Variants in TMPRSS2 observed in about 807,000 individuals in gnomAD.
TMPRSS2 encodes transmembrane protease serine 2.
TMPRSS2 carries 59 observed loss-of-function variants against 67.4 expected under a neutral mutation model. That is an observed-to-expected ratio of 0.88 (90% CI 0.71 to 1.09). The LOEUF is 1.09. TMPRSS2 is among the 50% of genes least tolerant of loss of function. The probability of loss-of-function intolerance (pLI) is 0.00; values close to 1 mark genes in which losing one functional copy is unlikely to be tolerated. For missense variants in TMPRSS2, 668 were observed against 642.7 expected (o/e 1.04, Z -0.43); for synonymous variants, 257 against 257.0 (o/e 1.00, Z 0.00).
intron 1 of TMPRSS2, among the ~76,000 whole-genome samples, chr21:41,501,608 C>CAAAAAAAAAAAA (rs57394908): frequency 1.2e-5 from 1 of 86,536 alleles, no homozygotes; most frequent in African/African-American, 4.3e-5. Flanking sequence ...GACTCTGTCT[C>CAAAAAAAAAAAA]AAAAAAAAAA....
intron 6 of TMPRSS2, among the ~76,000 whole-genome samples, chr21:41,480,127 A>C (rs749780669): frequency 8.5e-5 from 13 of 152,068 alleles, no homozygotes; most frequent in Non-Finnish European, 1.5e-4. Context: ...ACCTCTACCC[A>C]GGGAGGTGAA....
Position 41,508,102 on chromosome 21 carries a change from T to A in TMPRSS2, c.-78A>T. Reference sequence around the variant, plus strand: ...TCACCTGCCGCGCTCCAGGCGGCGCTCCCCGCCCCTCGCCCTCCGCCTCCG... The same window carrying A: ...TCACCTGCCGCGCTCCAGGCGGCGCACCCCGCCCCTCGCCCTCCGCCTCCG... On this transcript the variant is annotated 5_prime_UTR_variant, in exon 1 of 14. Transcript: ENST00000332149. 1 of 1,176,204 alleles carries A rather than the reference T, an allele frequency of 8.5e-7. No individual in the cohort carries two copies. Among genetic ancestry groups the A allele is most frequent in the Non-Finnish European group, 1.1e-6 (1 of 915,618 alleles). The allele number at this position is 1,176,204 out of a possible 1,614,324, so 72.9% of individuals were successfully genotyped here.
At chr21:41,484,975 C>G (rs1162368523) in intron 5 of TMPRSS2, among the ~76,000 whole-genome samples, 1 of 152,022 alleles carries the variant, frequency 6.6e-6, no homozygotes, top group African/African-American at 2.4e-5. Context: ...GCAGAAATAC[C>G]TGTGCTTCTT....
chr21:41,477,451 T>C lies in TMPRSS2; in HGVS notation c.684-831A>G, dbSNP rs1170927878. On this transcript the variant is annotated intron_variant, in intron 7 of 13. Transcript: ENST00000332149. The stretch of plus-strand genomic sequence containing the variant: ...AATCACAGCTTTAGCCTAGCCTCAT[T>C]CCAACCTCCTCCTAGAAAAAAAATA... Among the ~76,000 whole-genome samples the C allele has an allele frequency of 2.0e-5, 3 of 152,084 alleles. No individual in the cohort carries two copies. In the East Asian group the frequency reaches 5.8e-4, roughly 29 times the overall value.
At chr21:41,480,889 C>T (rs2091252119) in intron 5 of TMPRSS2, among the ~76,000 whole-genome samples, 1 of 152,174 alleles carries the variant, frequency 6.6e-6, no homozygotes, top group African/African-American at 2.4e-5. Flanking sequence ...CCCCCTGCCT[C>T]GGTCTCCCAA....
Position 41,464,550 on chromosome 21 carries a change from G to A in TMPRSS2, c.*1592C>T, listed in dbSNP as rs76000363. 24,138 of 216,640 alleles carry A rather than the reference G, an allele frequency of 0.11. 1,621 individuals carry two copies. The highest frequency in any genetic ancestry group is 0.13 in the Non-Finnish European group (13,811 of 107,726). The allele number at this position is 216,640 out of a possible 1,614,324, so 13.4% of individuals were successfully genotyped here. ...CAGGCAGAACTTCAAAGATGCAGTA[G>A]TTACTTTGAAAAAAAAATTGCATAA... On this transcript the variant is annotated 3_prime_UTR_variant, in exon 14 of 14. Transcript: ENST00000332149.
chr21:41,468,119 G>T, intron 12 of TMPRSS2: 2 of 613,008 alleles, frequency 3.3e-6, no homozygotes, highest in Non-Finnish European at 5.7e-6. Flanking sequence ...TAAATAAATT[G>T]CCGTTCATAA....
At chr21:41,476,717 C>A in intron 7 of TMPRSS2, 97 bp from the exon 8 acceptor site, 1 of 1,095,674 alleles carries the variant, frequency 9.1e-7, no homozygotes, top group East Asian at 2.4e-5. Context: ...TGTTCCCTCT[C>A]CTGTCTTCTG....
intron 9 of TMPRSS2, 89 bp downstream of exon 9, chr21:41,473,236 G>T (rs565973484): frequency 4.0e-5 from 56 of 1,389,240 alleles, no homozygotes; most frequent in Non-Finnish European, 5.2e-5. Context: ...AGGATGCCGG[G>T]GCTGCAAGGG....
intron 1 of TMPRSS2, among the ~76,000 whole-genome samples, chr21:41,505,264 C>T (rs556106565): frequency 6.6e-6 from 1 of 152,106 alleles, no homozygotes; most frequent in South Asian, 2.1e-4. Context: ...ATGCCTGGGC[C>T]CCATTCTCAG....
intron 1 of TMPRSS2, among the ~76,000 whole-genome samples, chr21:41,503,793 T>A (rs555405939): frequency 6.6e-6 from 1 of 152,232 alleles, no homozygotes. Context: ...CCAGACATAG[T>A]GATCTTTCAT....
chr21:41,489,681 C>T, intron 3 of TMPRSS2, 88 bp from the exon 4 acceptor site: 1 of 788,812 alleles, frequency 1.3e-6, no homozygotes, highest in Non-Finnish European at 2.1e-6. Context: ...TATAGTACAC[C>T]ACATTAAGAA....
chr21:41,473,735 C>T (rs943067973), intron 8 of TMPRSS2, among the ~76,000 whole-genome samples: 5 of 151,406 alleles, frequency 3.3e-5, no homozygotes, highest in Non-Finnish European at 4.4e-5. Context: ...CATGGGGTCT[C>T]CCGGGACCCA....
chr21:41,467,981 G>T, intron 12 of TMPRSS2, 95 bp from the exon 13 acceptor site: 1 of 1,404,486 alleles, frequency 7.1e-7, no homozygotes, highest in Non-Finnish European at 9.9e-7. Flanking sequence ...GGCGGGGGTC[G>T]CAGTGTGAGT....
At chr21:41,466,667 C>T (rs777636523) in intron 13 of TMPRSS2, among the ~76,000 whole-genome samples, 16 of 152,180 alleles carry the variant, frequency 1.1e-4, no homozygotes, top group South Asian at 2.1e-4. Flanking sequence ...CTGAGTCCCG[C>T]GTGTCATTTG....
intron 5 of TMPRSS2, among the ~76,000 whole-genome samples, chr21:41,481,613 T>G (rs944988755): frequency 1.3e-5 from 2 of 152,224 alleles, no homozygotes; most frequent in Admixed American, 6.5e-5. Flanking sequence ...ATATTTAAAT[T>G]TTATGGTACA....
chr21:41,468,207 T>C (rs185018051), intron 12 of TMPRSS2, 189 bp downstream of exon 12: 35 of 690,298 alleles, frequency 5.1e-5, no homozygotes, highest in Non-Finnish European at 7.4e-5. Context: ...GTGTGTGTGA[T>C]TTGTTGACTG....
At chr21:41,466,407 C>T (rs1432699317) in intron 13 of TMPRSS2, among the ~76,000 whole-genome samples, 1 of 152,222 alleles carries the variant, frequency 6.6e-6, no homozygotes, top group Non-Finnish European at 1.5e-5. Context: ...GTCTGGGCCT[C>T]CCCCGGCTGC....
At chr21:41,466,278 G>T in intron 13 of TMPRSS2, 125 bp from the exon 14 acceptor site, 1 of 891,462 alleles carries the variant, frequency 1.1e-6, no homozygotes, top group Non-Finnish European at 1.8e-6. Flanking sequence ...ATAGCACAAA[G>T]GGATCATTCT....
Sources: gnomAD v4.1 joint callset for allele counts (sites outside exome capture counted in the v4.1 genomes callset) on GRCh38, gnomAD v4.1.1 for gene constraint, MANE v1.5 for transcripts, NCBI Gene and HGNC (gene_info 2026-07-23, HGNC 2026-07-21) for gene names.